The following CALD1 variants were observed in gnomAD, a reference collection of about 807,000 sequenced individuals.
The protein encoded by CALD1 is caldesmon.
Under a neutral mutation model 99.9 loss-of-function variants are expected in CALD1, and 33 were observed. The ratio of observed to expected loss-of-function variants is 0.33; its 90% CI spans 0.25 to 0.44. CALD1 has a LOEUF of 0.44. CALD1 is among the 20% of genes least tolerant of loss of function. The pLI, the probability that CALD1 is intolerant of heterozygous loss-of-function variation, is 1.00. For missense variants in CALD1, 861 were observed against 962.1 expected, an observed-to-expected ratio of 0.89 and a Z score of 1.39; for synonymous variants, 310 against 325.0, an observed-to-expected ratio of 0.95 and a Z score of 0.50.
At chr7:134,825,990 C>T (rs1411229321) in intron 1 of CALD1, among the ~76,000 whole-genome samples, 1 of 152,048 alleles carries the variant, frequency 6.6e-6, no homozygotes, top group East Asian at 1.9e-4. Context: ...TCTAGTTTAG[C>T]CCTTTCAAGT....
chr7:134,891,711 T>C, intron 3 of CALD1: 22 of 534,916 alleles, frequency 4.1e-5, no homozygotes, highest in Non-Finnish European at 5.5e-5. Flanking sequence ...TTTTCCTTTC[T>C]TTTTTTTTTT....
At chr7:134,851,501 T>G (rs1800080128) in intron 2 of CALD1, among the ~76,000 whole-genome samples, 1 of 152,142 alleles carries the variant, frequency 6.6e-6, no homozygotes, top group African/African-American at 2.4e-5. Context: ...CAACCTAATG[T>G]CAGAGCTGGC....
upstream of CALD1, among the ~76,000 whole-genome samples, chr7:134,776,629 T>C (rs1796920750): frequency 6.6e-6 from 1 of 152,208 alleles, no homozygotes; most frequent in Non-Finnish European, 1.5e-5. Flanking sequence ...CTTTTATTGT[T>C]TGATAAACCT....
rs936892485 is a variant in CALD1 at position 134,797,032 on chromosome 7, T to G, written c.-130+17283T>G. On this transcript the variant is annotated intron_variant, in intron 1 of 14. Coordinates refer to ENST00000361675, the MANE Select transcript of CALD1 (RefSeq NM_033138.4). ...TAGTAAGAATTTTTTTTTTCTTTTT[T>G]TCTTTTTTTTGAGAAAAAGCCTTGC... Among the ~76,000 whole-genome samples, 6 of 152,344 alleles carry G rather than the reference T, an allele frequency of 3.9e-5. No individual in the cohort carries two copies. The South Asian group carries it at 1.2e-3, about 32-fold the overall frequency.
intron 1 of CALD1, among the ~76,000 whole-genome samples, chr7:134,812,831 C>T (rs975995762): frequency 3.3e-5 from 5 of 152,050 alleles, no homozygotes; most frequent in African/African-American, 1.2e-4. Flanking sequence ...GGGAGTCAGG[C>T]ATTTGCATGG....
chr7:134,723,563 G>A, the CALD1 span, among the ~76,000 whole-genome samples: 1 of 29,598 alleles, frequency 3.4e-5, no homozygotes, highest in African/African-American at 1.1e-4. Context: ...TTTTTTTTTT[G>A]CAGAAAACTG....
At chr7:134,872,712 G>C (rs370999455) in intron 3 of CALD1, among the ~76,000 whole-genome samples, 24 of 152,254 alleles carry the variant, frequency 1.6e-4, no homozygotes, top group Non-Finnish European at 3.2e-4. Flanking sequence ...AGGCAGAATG[G>C]AATGAGCAGT....
intron 1 of CALD1, among the ~76,000 whole-genome samples, chr7:134,820,440 C>T (rs1030926548): frequency 3.3e-5 from 5 of 152,120 alleles, no homozygotes; most frequent in African/African-American, 1.2e-4. Flanking sequence ...AAAATGCTTC[C>T]GGTCTAAAAG....
chr7:134,916,739 C>T (rs1804234744), intron 3 of CALD1, among the ~76,000 whole-genome samples: 1 of 152,172 alleles, frequency 6.6e-6, no homozygotes, highest in South Asian at 2.1e-4. Flanking sequence ...CGCTTTATGT[C>T]TTTTGTCAGA....
intron 3 of CALD1, among the ~76,000 whole-genome samples, chr7:134,906,848 C>T (rs111740597): frequency 3.1e-3 from 473 of 152,216 alleles, no homozygotes; most frequent in Middle Eastern, 0.014. Context: ...AAGTTGAGGA[C>T]TTAAAGTCTC....
intron 1 of CALD1, among the ~76,000 whole-genome samples, chr7:134,761,515 T>C (rs777412810): frequency 1.3e-5 from 2 of 152,206 alleles, no homozygotes; most frequent in Non-Finnish European, 2.9e-5. Flanking sequence ...GCTGATAACA[T>C]AGCTAACTAC....
rs187654696 is a variant in CALD1 at position 134,806,310 on chromosome 7, C to T, written c.-130+26561C>T. On this transcript the variant is annotated intron_variant, in intron 1 of 14. Coordinates refer to ENST00000361675, the MANE Select transcript of CALD1 (RefSeq NM_033138.4). ...CCACAAAAAGGGGTTTTTCTCCCCC[C>T]AGCCCACGGTTTAGCTTCCTCATTA... Among the ~76,000 whole-genome samples the T allele has an allele frequency of 3.7e-3, 561 of 152,322 alleles. 1 individual carries two copies. The highest frequency in any genetic ancestry group is 0.014 in the Middle Eastern group (4 of 294).
intron 1 of CALD1, among the ~76,000 whole-genome samples, chr7:134,763,787 A>G (rs530136819): frequency 6.6e-6 from 1 of 151,724 alleles, no homozygotes; most frequent in Non-Finnish European, 1.5e-5. Context: ...ATGTGGTGGC[A>G]GGCACCTGTA....
intron 1 of CALD1, among the ~76,000 whole-genome samples, chr7:134,829,498 T>TA (rs537296334): frequency 2.2e-4 from 33 of 152,116 alleles, no homozygotes; most frequent in Non-Finnish European, 4.4e-4. Flanking sequence ...TGTCATTAGG[T>TA]AATGGTGAGG....
At chr7:134,889,796 G>A (rs145927278) in intron 3 of CALD1, among the ~76,000 whole-genome samples, 125 of 152,326 alleles carry the variant, frequency 8.2e-4, no homozygotes, top group African/African-American at 2.9e-3. Flanking sequence ...GTGATCATAT[G>A]TGTAATCAGA....
At chr7:134,733,066 C>A in the CALD1 span, among the ~76,000 whole-genome samples, 4 of 152,198 alleles carry the variant, frequency 2.6e-5, no homozygotes, top group African/African-American at 4.8e-5. Flanking sequence ...GCAGGGGCCT[C>A]CAATAAATTA....
intron 3 of CALD1, among the ~76,000 whole-genome samples, chr7:134,905,021 A>G (rs1803267392): frequency 6.6e-6 from 1 of 152,152 alleles, no homozygotes; most frequent in South Asian, 2.1e-4. Flanking sequence ...AAAGAAAGAG[A>G]AAAGTAATCA....
intron 3 of CALD1, among the ~76,000 whole-genome samples, chr7:134,915,045 T>C (rs1804106846): frequency 6.6e-6 from 1 of 152,222 alleles, no homozygotes; most frequent in Admixed American, 6.5e-5. Context: ...CACCTGTGTG[T>C]CCATTTCCAG....
chr7:134,829,188 A>G (rs1346477261), intron 1 of CALD1, among the ~76,000 whole-genome samples: 1 of 152,264 alleles, frequency 6.6e-6, no homozygotes, highest in African/African-American at 2.4e-5. Flanking sequence ...TATTAAATAC[A>G]TAAGTAACCA....
Sources: allele counts gnomAD v4.1 joint callset (sites outside exome capture counted in the v4.1 genomes callset), GRCh38; gene constraint gnomAD v4.1.1; transcripts MANE v1.5; gene names NCBI Gene and HGNC (gene_info 2026-07-23, HGNC 2026-07-21).